Variants in LRP12 observed in about 807,000 individuals in gnomAD.
LRP12 encodes the protein LDL receptor related protein 12.
In LRP12, 14 loss-of-function variants were observed where a neutral mutation model predicts 66.0. That is an observed-to-expected ratio of 0.21 (90% CI 0.14 to 0.33). The LOEUF is 0.33. Among genes scored for constraint, LRP12 ranks in the 10% least tolerant of loss-of-function variants. The pLI, the probability that LRP12 is intolerant of heterozygous loss-of-function variation, is 1.00. For missense variants in LRP12, 889 were observed against 1,053.4 expected (o/e 0.84, Z 2.16); for synonymous variants, 357 against 359.1 (o/e 0.99, Z 0.07).
intron 2 of LRP12, among the ~76,000 whole-genome samples, chr8:104,524,288 G>A (rs1015285207): frequency 2.0e-5 from 3 of 149,410 alleles, no homozygotes; most frequent in Admixed American, 6.7e-5. Flanking sequence ...TACATATAAC[G>A]TACATATATT....
chr8:104,534,258 A>T (rs771002309), intron 1 of LRP12, among the ~76,000 whole-genome samples: 5 of 152,084 alleles, frequency 3.3e-5, no homozygotes, highest in Non-Finnish European at 5.9e-5. Context: ...TTATGTATGT[A>T]TAGTTTATAA....
intron 1 of LRP12, 121 bp downstream of exon 1, chr8:104,588,698 G>C (rs1812376512): frequency 1.4e-6 from 1 of 739,234 alleles, no homozygotes; most frequent in African/African-American, 1.8e-5. Flanking sequence ...ACCGGTCTTT[G>C]TCCCGCCGGT....
chr8:104,530,775 G>A (rs1185635224), intron 2 of LRP12, among the ~76,000 whole-genome samples: 1 of 152,114 alleles, frequency 6.6e-6, no homozygotes, highest in African/African-American at 2.4e-5. Context: ...ACTTGGAAAA[G>A]TAATTATAAT....
intron 2 of LRP12, among the ~76,000 whole-genome samples, chr8:104,530,832 T>A (rs1811315560): frequency 6.6e-6 from 1 of 152,220 alleles, no homozygotes; most frequent in Non-Finnish European, 1.5e-5. Flanking sequence ...AAGGCCATCT[T>A]TAAAATAACC....
chr8:104,544,297 G>T (rs981917682), intron 1 of LRP12, among the ~76,000 whole-genome samples: 1 of 152,166 alleles, frequency 6.6e-6, no homozygotes, highest in African/African-American at 2.4e-5. Context: ...TTTAAGGACA[G>T]AAGCACTCTA....
chr8:104,587,165 T>C (rs1812346422), intron 1 of LRP12, among the ~76,000 whole-genome samples: 1 of 152,182 alleles, frequency 6.6e-6, no homozygotes, highest in Non-Finnish European at 1.5e-5. Flanking sequence ...CATTTATTTA[T>C]CTATTCTGAT....
intron 1 of LRP12, among the ~76,000 whole-genome samples, chr8:104,553,885 C>T (rs1485536960): frequency 6.6e-6 from 1 of 152,156 alleles, no homozygotes; most frequent in Non-Finnish European, 1.5e-5. Flanking sequence ...CACTTCACTC[C>T]CATGTTATGT....
chr8:104,506,013 A>G (rs931788208), intron 3 of LRP12: 4 of 152,220 alleles, frequency 2.6e-5, no homozygotes, highest in South Asian at 4.1e-4. Flanking sequence ...ATTCAAAATT[A>G]GAGATATTTT....
At chr8:104,551,093 C>CTTA (rs1434736800) in intron 1 of LRP12, among the ~76,000 whole-genome samples, 1 of 152,086 alleles carries the variant, frequency 6.6e-6, no homozygotes, top group Non-Finnish European at 1.5e-5. Flanking sequence ...TTACCTTGTA[C>CTTA]TTATATATTT....
At chr8:104,509,117 TA>T in intron 2 of LRP12, 43 bp from the exon 3 acceptor site, 1 of 1,592,348 alleles carries the variant, frequency 6.3e-7, no homozygotes, top group Non-Finnish European at 8.6e-7. Context: ...ATTACACATT[TA>T]AATGGTATTA....
At position 104,588,951 on chromosome 8, in the gene LRP12, C is replaced by G; in HGVS notation, c.-54G>C. On this transcript the variant is annotated 5_prime_UTR_variant, in exon 1 of 7. Coordinates refer to ENST00000276654, the MANE Select transcript of LRP12 (RefSeq NM_013437.5). The stretch of plus-strand genomic sequence containing the variant: ...GAGACGGAGGAGGAGGGAGGAGAAG[C>G]TGGAGGTAGACGACGCCGACGCCGC... The G allele has an allele frequency of 3.8e-6, 5 of 1,310,928 alleles. No homozygotes were observed. The highest frequency in any genetic ancestry group is 5.2e-6 in the Non-Finnish European group (5 of 953,722). The allele number at this position is 1,310,928 out of a possible 1,614,324, so 81.2% of individuals were successfully genotyped here.
intron 2 of LRP12, among the ~76,000 whole-genome samples, chr8:104,512,487 C>T (rs1208664290): frequency 6.6e-6 from 1 of 152,126 alleles, no homozygotes; most frequent in Non-Finnish European, 1.5e-5. Context: ...GAGACTAATA[C>T]AATTTTGAGT....
chr8:104,571,462 CATG>C (rs1201203627), intron 1 of LRP12, among the ~76,000 whole-genome samples: 10 of 152,104 alleles, frequency 6.6e-5, no homozygotes, highest in Admixed American at 2.0e-4. Flanking sequence ...TGGTTTCCTC[CATG>C]ATGTTCTCGT....
chr8:104,588,365 T>G (rs936032433), intron 1 of LRP12, among the ~76,000 whole-genome samples: 4 of 152,090 alleles, frequency 2.6e-5, no homozygotes, highest in Admixed American at 1.3e-4. Flanking sequence ...GCGGTGGGAA[T>G]CTCGCCGGTG....
At chr8:104,529,117 CAGAGTTAA>C (rs1811289468) in intron 2 of LRP12, among the ~76,000 whole-genome samples, 1 of 152,066 alleles carries the variant, frequency 6.6e-6, no homozygotes. Flanking sequence ...AGAGTCTTTA[CAGAGTTAA>C]AGAGTTAAAG....
At chr8:104,564,243 C>T (rs1811959552) in intron 1 of LRP12, among the ~76,000 whole-genome samples, 4 of 152,136 alleles carry the variant, frequency 2.6e-5, no homozygotes, top group Admixed American at 2.6e-4. Flanking sequence ...TACAGCAATG[C>T]TTCTCAAACC....
chr8:104,542,035 A>G (rs910824751), intron 1 of LRP12, among the ~76,000 whole-genome samples: 1 of 152,316 alleles, frequency 6.6e-6, no homozygotes, highest in East Asian at 1.9e-4. Context: ...CTGGTGGGTC[A>G]TATGGTATCC....
chr8:104,501,840 T>C (rs2140836698), intron 3 of LRP12, among the ~76,000 whole-genome samples: 1 of 152,338 alleles, frequency 6.6e-6, no homozygotes, highest in Non-Finnish European at 1.5e-5. Flanking sequence ...TTAGTCTTCA[T>C]TAAGTCTAAT....
chr8:104,508,834 C>T, intron 3 of LRP12, 105 bp downstream of exon 3: 1 of 1,048,480 alleles, frequency 9.5e-7, no homozygotes, highest in Non-Finnish European at 1.4e-6. Context: ...ATTACATCTC[C>T]TGAAAAGCCT....
Sources: gnomAD v4.1 joint callset for allele counts (sites outside exome capture counted in the v4.1 genomes callset) on GRCh38, gnomAD v4.1.1 for gene constraint, MANE v1.5 for transcripts, NCBI Gene and HGNC (gene_info 2026-07-23, HGNC 2026-07-21) for gene names.